C19orf18: variants seen among roughly 807,000 people sequenced by gnomAD.
C19orf18 encodes the protein chromosome 19 open reading frame 18, also known as uncharacterized protein C19orf18.
Under a neutral mutation model 23.3 loss-of-function variants are expected in C19orf18, and 21 were observed. The observed-to-expected ratio is 0.90, with a 90% CI of 0.64 to 1.30. The LOEUF is 1.30. Among genes scored for constraint, C19orf18 ranks in the 50% most tolerant of loss-of-function variants. C19orf18 has a pLI of 0.00. For missense variants in C19orf18, 249 were observed against 259.6 expected (o/e 0.96, Z 0.28); for synonymous variants, 96 against 95.2 (o/e 1.01, Z -0.05).
intron 5 of C19orf18, among the ~76,000 whole-genome samples, chr19:57,960,585 T>C (rs978799849): frequency 1.3e-5 from 2 of 152,154 alleles, no homozygotes; most frequent in South Asian, 2.1e-4. Context: ...CTGGATCCCA[T>C]TTTCACGTCA....
chr19:57,958,866 G>A (rs2123213500), intron 5 of C19orf18, 149 bp from the exon 6 acceptor site: 3 of 516,724 alleles, frequency 5.8e-6, no homozygotes, highest in Non-Finnish European at 1.0e-5. Flanking sequence ...GTCTGACAAG[G>A]ATGGTGAAAA....
intron 3 of C19orf18, among the ~76,000 whole-genome samples, chr19:57,971,624 C>A (rs571618460): frequency 6.6e-6 from 1 of 152,176 alleles, no homozygotes; most frequent in African/African-American, 2.4e-5. Flanking sequence ...GTGCCCACCA[C>A]CACTCCTGGC....
Position 57,969,534 on chromosome 19 carries a change from GAC to G in C19orf18, c.269-2904_269-2903del, listed in dbSNP as rs753827665. ...GGCGCCATTGCACTCCAGCCTGGGTGACAGAGTGAGACTCTGTCTTAAAAAAA... is the reference window on the plus strand; with the variant it reads ...GGCGCCATTGCACTCCAGCCTGGGTGAGAGTGAGACTCTGTCTTAAAAAAA... On this transcript the variant is annotated intron_variant, in intron 3 of 5. Coordinates refer to ENST00000314391, the MANE Select transcript of C19orf18 (RefSeq NM_152474.5). Among the ~76,000 whole-genome samples, 88 of 119,332 alleles carry G rather than the reference GAC, an allele frequency of 7.4e-4. 1 individual carries two copies. Among genetic ancestry groups the G allele is most frequent in the Non-Finnish European group, 7.5e-4 (46 of 61,574 alleles). The allele number at this position is 119,332 out of a possible 152,430, so 78.3% of individuals were successfully genotyped here. A position where few individuals can be genotyped will look rare whatever the true frequency, so the allele number is the denominator to read the frequency against.
intron 3 of C19orf18, among the ~76,000 whole-genome samples, chr19:57,969,322 C>T (rs1312195222): frequency 2.0e-5 from 3 of 151,812 alleles, no homozygotes; most frequent in Non-Finnish European, 2.9e-5. Context: ...TTTGGGAGGC[C>T]GAGGTGTGCG....
At chr19:57,959,535 G>A (rs1397566000) in intron 5 of C19orf18, among the ~76,000 whole-genome samples, 1 of 152,048 alleles carries the variant, frequency 6.6e-6, no homozygotes, top group Non-Finnish European at 1.5e-5. Flanking sequence ...TGAAGCATGA[G>A]AATCACTTGA....
chr19:57,974,496 T>A lies in C19orf18; in HGVS notation c.-64A>T, dbSNP rs2072969599. 2 of 1,586,340 alleles carry A rather than the reference T, an allele frequency of 1.3e-6. No homozygotes were observed. Among genetic ancestry groups the A allele is most frequent in the South Asian group, 2.2e-5 (2 of 89,486 alleles). On this transcript the variant is annotated 5_prime_UTR_variant, in exon 1 of 6. The change abolishes an upstream ATG in the 5' untranslated region. Transcript: ENST00000314391. Reference sequence around the variant, plus strand: ...GGAAATACTTAGCTACAGTCCAGCATCTGTCCTCTATTTATCTGAGGAATC... The same window carrying A: ...GGAAATACTTAGCTACAGTCCAGCAACTGTCCTCTATTTATCTGAGGAATC...
chr19:57,962,390 C>T lies in C19orf18; in HGVS notation c.372-839G>A, dbSNP rs555204114. Among the ~76,000 whole-genome samples the T allele has an allele frequency of 3.3e-5, 5 of 152,140 alleles. No individual in the cohort carries two copies. The East Asian group carries it at 7.7e-4, about 23-fold the overall frequency. Reference sequence around the variant, plus strand: ...AAAATAAAAATTAATGTCAAGAAATCCGTGATGAACAAAATAGGACAGAAT... The same window carrying T: ...AAAATAAAAATTAATGTCAAGAAATTCGTGATGAACAAAATAGGACAGAAT... On this transcript the variant is annotated intron_variant, in intron 4 of 5. Transcript: ENST00000314391.
At chr19:57,968,163 G>A (rs1158239909) in intron 3 of C19orf18, among the ~76,000 whole-genome samples, 1 of 152,262 alleles carries the variant, frequency 6.6e-6, no homozygotes, top group Admixed American at 6.5e-5. Context: ...TCTTTGTTGT[G>A]TCCTCACAGG....
At position 57,974,331 on chromosome 19, in the gene C19orf18, T is replaced by C; in HGVS notation, c.102A>G (p.Gly34=). 6.2e-7 allele frequency: 1 copy of C among 1,614,220 alleles called. No individual in the cohort carries two copies. The highest frequency in any genetic ancestry group is 8.5e-7 in the Non-Finnish European group (1 of 1,180,038). The stretch of plus-strand genomic sequence containing the variant: ...AGCTACCTGGTAAGCCTGTTATGTT[T>C]CCAGTGGGATGGAGTCCATCTGCAT... ...LPYADGLHPT[G]NITGLPGSKR... is the part of the protein sequence containing the mutation. Residue 34 remains glycine (G), a synonymous_variant, in exon 1 of 6, where the codon GGA becomes GGG. Transcript: ENST00000314391.
At chr19:57,971,293 C>T (rs1232369085) in intron 3 of C19orf18, among the ~76,000 whole-genome samples, 1 of 151,644 alleles carries the variant, frequency 6.6e-6, no homozygotes, top group Non-Finnish European at 1.5e-5. Context: ...ACACCCAAAG[C>T]CTACACCCCA....
In C19orf18 at chr19:57,958,468, T is replaced by C; in HGVS notation, c.*134A>G. The C allele has an allele frequency of 6.7e-6, 4 of 596,562 alleles. No individual in the cohort carries two copies. The South Asian group carries it at 8.7e-5, about 13-fold the overall frequency. 37.0% of individuals were successfully genotyped at this position (596,562 alleles called of 1,614,324 possible). ...TATCATGTGGCTTTATTTTCTGGGA[T>C]ACAGGTCTGGCATTTCTTTCTTTGA... On this transcript the variant is annotated 3_prime_UTR_variant, in exon 6 of 6. Coordinates refer to ENST00000314391, the MANE Select transcript of C19orf18 (RefSeq NM_152474.5).
chr19:57,963,905 A>G (rs185175703), intron 4 of C19orf18, among the ~76,000 whole-genome samples: 140 of 152,290 alleles, frequency 9.2e-4, no homozygotes, highest in African/African-American at 3.3e-3. Flanking sequence ...AAATAAAAAT[A>G]AAAATAAATA....
intron 3 of C19orf18, 149 bp downstream of exon 3, chr19:57,972,314 C>T: frequency 1.1e-6 from 1 of 895,386 alleles, no homozygotes; most frequent in Non-Finnish European, 1.7e-6. Context: ...CTGCGCATCC[C>T]CCTCCAGAGG....
At chr19:57,968,769 C>T (rs1348706390) in intron 3 of C19orf18, among the ~76,000 whole-genome samples, 1 of 152,064 alleles carries the variant, frequency 6.6e-6, no homozygotes, top group Non-Finnish European at 1.5e-5. Flanking sequence ...CATTTGGGGC[C>T]TTAATCCTGG....
intron 5 of C19orf18, 39 bp from the exon 6 acceptor site, chr19:57,958,756 T>C: frequency 8.3e-7 from 1 of 1,211,824 alleles, no homozygotes; most frequent in Non-Finnish European, 1.2e-6. Flanking sequence ...TAGTAATAAG[T>C]GAGGAATAAA....
At chr19:57,966,499 G>C in intron 4 of C19orf18, 31 bp downstream of exon 4, 1 of 1,358,178 alleles carries the variant, frequency 7.4e-7, no homozygotes, top group South Asian at 1.2e-5. Context: ...TCTCATTTAA[G>C]GACAGCAGAT....
At chr19:57,959,666 T>G (rs115331323) in intron 5 of C19orf18, among the ~76,000 whole-genome samples, 1,831 of 150,810 alleles carry the variant, frequency 0.012, 42 homozygotes, top group African/African-American at 0.042. Context: ...CATAGTGACA[T>G]GCACCGTAGT....
chr19:57,960,118 AG>A (rs1568565395), intron 5 of C19orf18, among the ~76,000 whole-genome samples: 1 of 148,384 alleles, frequency 6.7e-6, no homozygotes, highest in Non-Finnish European at 1.5e-5. Context: ...CAAAAAAAAA[AG>A]ATAAATAAAT....
intron 3 of C19orf18, 50 bp from the exon 4 acceptor site, chr19:57,966,682 A>G (rs1272749304): frequency 2.3e-6 from 3 of 1,293,860 alleles, no homozygotes; most frequent in Non-Finnish European, 3.3e-6. Context: ...CATTTTAGCT[A>G]TGTCTTTCAG....
Sources: allele counts gnomAD v4.1 joint callset (sites outside exome capture counted in the v4.1 genomes callset), GRCh38; gene constraint gnomAD v4.1.1; transcripts MANE v1.5; gene names NCBI Gene and HGNC (gene_info 2026-07-23, HGNC 2026-07-21).